KCNMA1: variants seen among roughly 807,000 people sequenced by gnomAD.
The protein encoded by KCNMA1 is potassium calcium-activated channel subfamily M alpha 1, also known as Calcium-activated potassium channel subunit alpha-1.
In KCNMA1, 29 loss-of-function variants were observed where a neutral mutation model predicts 140.0. The ratio of observed to expected loss-of-function variants is 0.21; its 90% confidence interval spans 0.15 to 0.28. The LOEUF (loss-of-function observed/expected upper bound fraction) is 0.28. Ranked by LOEUF, KCNMA1 falls within the 10% of genes least tolerant of loss-of-function variation. KCNMA1 has a pLI of 1.00. For synonymous variants in KCNMA1, 612 were observed against 611.9 expected, an observed-to-expected ratio of 1.00 and a Z score of 0.00; for missense variants, 880 against 1,602.2, an observed-to-expected ratio of 0.55 and a Z score of 7.70.
intron 1 of KCNMA1, among the ~76,000 whole-genome samples, chr10:77,550,770 G>C (rs1174916553): frequency 6.6e-6 from 1 of 152,202 alleles, no homozygotes. Flanking sequence ...CATGAAGGCA[G>C]ATGCTAGAAG....
At chr10:77,044,920 G>T (rs1225133432) in intron 14 of KCNMA1, among the ~76,000 whole-genome samples, 1 of 152,090 alleles carries the variant, frequency 6.6e-6, no homozygotes, top group Non-Finnish European at 1.5e-5. Context: ...GGGAGGATTT[G>T]CTGTGTACAA....
At chr10:77,516,031 A>T (rs1437415032) in intron 1 of KCNMA1, among the ~76,000 whole-genome samples, 2 of 152,174 alleles carry the variant, frequency 1.3e-5, no homozygotes, top group African/African-American at 4.8e-5. Flanking sequence ...CTTCTCCAGG[A>T]GCAAATGTTT....
At chr10:76,975,908 A>G (rs908327582) in intron 19 of KCNMA1, among the ~76,000 whole-genome samples, 7 of 152,172 alleles carry the variant, frequency 4.6e-5, no homozygotes, top group African/African-American at 1.7e-4. Flanking sequence ...CATCACGGCT[A>G]ACATTAATCC....
chr10:77,212,681 C>T (rs974540355), intron 3 of KCNMA1, among the ~76,000 whole-genome samples: 2 of 152,154 alleles, frequency 1.3e-5, no homozygotes, highest in Non-Finnish European at 2.9e-5. Context: ...TGCTCAGTGT[C>T]TCTTGCTCTT....
chr10:77,398,459 G>A (rs1213918407), intron 2 of KCNMA1, among the ~76,000 whole-genome samples: 1 of 152,194 alleles, frequency 6.6e-6, no homozygotes, highest in Non-Finnish European at 1.5e-5. Flanking sequence ...GAGATGTTGA[G>A]TATTTTTTCA....
intron 18 of KCNMA1, among the ~76,000 whole-genome samples, chr10:77,010,177 C>A (rs1012687723): frequency 6.6e-6 from 1 of 152,132 alleles, no homozygotes. Context: ...TCACTACAAG[C>A]GTTTCTTTAC....
chr10:77,449,470 G>A (rs1277549114), intron 1 of KCNMA1, among the ~76,000 whole-genome samples: 1 of 119,032 alleles, frequency 8.4e-6, no homozygotes. Context: ...GCATACAAAG[G>A]AATTTAGAAA....
At chr10:77,588,301 G>A (rs2077886961) in intron 1 of KCNMA1, among the ~76,000 whole-genome samples, 1 of 152,104 alleles carries the variant, frequency 6.6e-6, no homozygotes, top group Admixed American at 6.5e-5. Flanking sequence ...GGAGGGAGAG[G>A]GGGATAGGGT....
intron 9 of KCNMA1, among the ~76,000 whole-genome samples, chr10:77,097,754 C>A (rs1483947483): frequency 4.8e-4 from 73 of 152,162 alleles, no homozygotes; most frequent in Non-Finnish European, 5.9e-5. Context: ...TATCCATGGA[C>A]ACATCTAGTA....
At chr10:77,243,876 G>T (rs1464897107) in intron 3 of KCNMA1, among the ~76,000 whole-genome samples, 1 of 152,122 alleles carries the variant, frequency 6.6e-6, no homozygotes. Context: ...GAGATTAGTA[G>T]GAGGGTCATA....
At chr10:77,438,135 A>G (rs985404162) in intron 1 of KCNMA1, among the ~76,000 whole-genome samples, 2 of 152,062 alleles carry the variant, frequency 1.3e-5, no homozygotes, top group African/African-American at 4.8e-5. Flanking sequence ...ATAGCTCACT[A>G]CAGCTTTAGA....
chr10:77,331,098 C>T (rs1031584082), intron 2 of KCNMA1, among the ~76,000 whole-genome samples: 1 of 148,918 alleles, frequency 6.7e-6, no homozygotes, highest in East Asian at 2.0e-4. Context: ...TTTCTCCCTG[C>T]CCCCCATGTA....
chr10:76,943,833 G>A (rs2063223392), intron 23 of KCNMA1, among the ~76,000 whole-genome samples: 1 of 152,200 alleles, frequency 6.6e-6, no homozygotes, highest in Non-Finnish European at 1.5e-5. Flanking sequence ...AGCCTGGCAT[G>A]ATGGGGAGGA....
chr10:77,135,644 G>A (rs1349312833), intron 5 of KCNMA1, among the ~76,000 whole-genome samples: 1 of 152,154 alleles, frequency 6.6e-6, no homozygotes, highest in East Asian at 1.9e-4. Context: ...TATACACAAT[G>A]GCATATTATT....
intron 2 of KCNMA1, among the ~76,000 whole-genome samples, chr10:77,289,051 G>T (rs2072156402): frequency 6.6e-6 from 1 of 152,154 alleles, no homozygotes; most frequent in Non-Finnish European, 1.5e-5. Context: ...CCAAAGCCCT[G>T]CCTAGCAGCA....
intron 25 of KCNMA1, among the ~76,000 whole-genome samples, chr10:76,900,379 T>TA (rs1227963818): frequency 1.3e-5 from 2 of 152,100 alleles, no homozygotes; most frequent in African/African-American, 2.4e-5. Context: ...CCTGAACTGA[T>TA]AGACGTATTT....
intron 19 of KCNMA1, among the ~76,000 whole-genome samples, chr10:76,999,255 C>CCATGGGGTCTA (rs1246104904): frequency 1.3e-5 from 2 of 152,228 alleles, no homozygotes; most frequent in African/African-American, 4.8e-5. Context: ...ACACTGGGCA[C>CCATGGGGTCTA]CATGGGGTCT....
At chr10:77,222,677 T>C (rs1323479848) in intron 3 of KCNMA1, among the ~76,000 whole-genome samples, 1 of 152,212 alleles carries the variant, frequency 6.6e-6, no homozygotes, top group Non-Finnish European at 1.5e-5. Flanking sequence ...TTGTATGGGC[T>C]AGATTCCTGA....
intron 1 of KCNMA1, among the ~76,000 whole-genome samples, chr10:77,432,469 C>G (rs1475245406): frequency 6.6e-6 from 1 of 152,162 alleles, no homozygotes; most frequent in East Asian, 1.9e-4. Flanking sequence ...GAAGCAGAAG[C>G]CTGAAGATGA....
Sources: gnomAD v4.1 joint callset for allele counts (sites outside exome capture counted in the v4.1 genomes callset) on GRCh38, gnomAD v4.1.1 for gene constraint, MANE v1.5 for transcripts, NCBI Gene and HGNC (gene_info 2026-07-23, HGNC 2026-07-21) for gene names.